SSR1: variants seen among roughly 807,000 people sequenced by gnomAD.
The protein encoded by SSR1 is translocon-associated protein subunit alpha.
In SSR1, 13 loss-of-function variants were observed where a neutral mutation model predicts 36.1. The ratio of observed to expected loss-of-function variants is 0.36; its 90% confidence interval spans 0.23 to 0.57. SSR1 has a LOEUF of 0.57. Ranked by LOEUF, SSR1 falls within the 20% of genes least tolerant of loss-of-function variation. The pLI, the probability that SSR1 is intolerant of heterozygous loss-of-function variation, is 0.81. For synonymous variants in SSR1, 113 were observed against 118.9 expected (o/e 0.95, Z 0.32); for missense variants, 291 against 338.5 (o/e 0.86, Z 1.10).
intron 2 of SSR1, among the ~76,000 whole-genome samples, chr6:7,306,927 G>A (rs987366002): frequency 1.4e-5 from 2 of 146,540 alleles, no homozygotes; most frequent in South Asian, 2.2e-4. Context: ...GGTGGTGGGG[G>A]GGTGGGGGAA....
At chr6:7,300,923 G>A (rs1757919589) in intron 4 of SSR1, among the ~76,000 whole-genome samples, 1 of 152,194 alleles carries the variant, frequency 6.6e-6, no homozygotes, top group Non-Finnish European at 1.5e-5. Context: ...GATTACAGGT[G>A]TGAGCCACTG....
chr6:7,294,349 T>C (rs139914375), intron 7 of SSR1, among the ~76,000 whole-genome samples: 3 of 152,330 alleles, frequency 2.0e-5, no homozygotes, highest in Admixed American at 2.0e-4. Flanking sequence ...CGTATATGCT[T>C]ATAGATATAT....
chr6:7,296,406 G>A (rs1352882191), intron 6 of SSR1, among the ~76,000 whole-genome samples: 1 of 152,168 alleles, frequency 6.6e-6, no homozygotes. Flanking sequence ...ATGAGGCAAA[G>A]CGAGTTTTAG....
At position 7,313,128 on chromosome 6, in the gene SSR1, C is replaced by T. The variant is rs1195130032; in HGVS notation, c.-8G>A. 1 of 1,600,714 alleles carries T rather than the reference C, an allele frequency of 6.2e-7. No individual in the cohort carries two copies. Among genetic ancestry groups the T allele is most frequent in the Non-Finnish European group, 8.5e-7 (1 of 1,173,386 alleles). On this transcript the variant is annotated 5_prime_UTR_variant, in exon 1 of 8. Coordinates refer to ENST00000244763, the MANE Select transcript of SSR1 (RefSeq NM_003144.5). Reference sequence around the variant, plus strand: ...GCGGGGGAGGAGTCTCATGGCGCTGCCGGTCCAGTGTCCAGTTTCCGTCGG... The same window carrying T: ...GCGGGGGAGGAGTCTCATGGCGCTGTCGGTCCAGTGTCCAGTTTCCGTCGG...
At position 7,286,903 on chromosome 6, in the gene SSR1, C is replaced by T. The variant is rs1017419395; in HGVS notation, c.*2961G>A. ...CTCCAGCCTGGGTGACACAGAGACT[C>T]CGTCTCAGGGGGCAAAAAAAAAAAA... On this transcript the variant is annotated 3_prime_UTR_variant, in exon 8 of 8. Transcript: ENST00000244763. 1 of 128,230 alleles carries T rather than the reference C, an allele frequency of 7.8e-6. No individual in the cohort carries two copies. Among genetic ancestry groups the T allele is most frequent in the Non-Finnish European group, 1.6e-5 (1 of 63,138 alleles). The allele number at this position is 128,230 out of a possible 1,614,324, so 7.9% of individuals were successfully genotyped here.
chr6:7,293,825 A>T, intron 7 of SSR1, among the ~76,000 whole-genome samples: 1 of 152,206 alleles, frequency 6.6e-6, no homozygotes, highest in Non-Finnish European at 1.5e-5. Flanking sequence ...AGCAGTTCAA[A>T]CCTGTGTCTT....
intron 6 of SSR1, 76 bp from the exon 7 acceptor site, chr6:7,295,561 G>A: frequency 8.8e-7 from 1 of 1,131,832 alleles, no homozygotes. Flanking sequence ...AAAGAGTTGA[G>A]GTCTTGCTAT....
At position 7,293,057 on chromosome 6, in the gene SSR1, G is replaced by A. The variant is rs572890095; in HGVS notation, c.793+2335C>T. On this transcript the variant is annotated intron_variant, in intron 7 of 7. Coordinates refer to ENST00000244763, the MANE Select transcript of SSR1 (RefSeq NM_003144.5). The stretch of plus-strand genomic sequence containing the variant: ...ATTAGTTCCAGGACTACTCCCCCAC[G>A]GCAACCCCACCCAAATCCAGGCATA... 6.6e-5 allele frequency among the ~76,000 whole-genome samples: 10 copies of A among 152,060 alleles called. No individual in the cohort carries two copies. In the South Asian group the frequency reaches 8.3e-4, roughly 13 times the overall value.
chr6:7,302,579 T>A (rs1757960181), intron 3 of SSR1, among the ~76,000 whole-genome samples: 1 of 151,984 alleles, frequency 6.6e-6, no homozygotes, highest in Non-Finnish European at 1.5e-5. Flanking sequence ...CTGGCCAACA[T>A]GGTGAAACCC....
intron 4 of SSR1, 142 bp downstream of exon 4, chr6:7,301,168 C>CA (rs1378987657): frequency 2.9e-6 from 3 of 1,023,008 alleles, no homozygotes; most frequent in Non-Finnish European, 4.2e-6. Flanking sequence ...AAGAAACGTG[C>CA]AATTTATCTT....
intron 3 of SSR1, among the ~76,000 whole-genome samples, chr6:7,302,218 T>C (rs1376051378): frequency 6.6e-6 from 1 of 152,232 alleles, no homozygotes; most frequent in Non-Finnish European, 1.5e-5. Flanking sequence ...ATATTAAGTC[T>C]TCAATAATTA....
chr6:7,309,379 T>C (rs1758137853), intron 2 of SSR1, among the ~76,000 whole-genome samples: 1 of 152,240 alleles, frequency 6.6e-6, no homozygotes, highest in African/African-American at 2.4e-5. Flanking sequence ...AGAGGATCAC[T>C]TGAGCCCAGG....
chr6:7,289,998 A>G (rs545451051), intron 7 of SSR1, 67 bp from the exon 8 acceptor site: 1 of 1,371,260 alleles, frequency 7.3e-7, no homozygotes, highest in African/African-American at 1.5e-5. Context: ...GACATGTTAA[A>G]AAGTATTTAC....
At chr6:7,310,890 G>A (rs1460856084) in intron 1 of SSR1, among the ~76,000 whole-genome samples, 7 of 152,046 alleles carry the variant, frequency 4.6e-5, no homozygotes, top group Non-Finnish European at 7.4e-5. Flanking sequence ...CAGCCTGGGC[G>A]ACACAGCAAG....
chr6:7,299,857 C>T (rs1757895395), intron 4 of SSR1, among the ~76,000 whole-genome samples: 1 of 152,148 alleles, frequency 6.6e-6, no homozygotes, highest in African/African-American at 2.4e-5. Flanking sequence ...CACAGCTATT[C>T]TTCACAAAGG....
Position 7,284,956 on chromosome 6 carries a change from A to G in SSR1, c.*4908T>C, listed in dbSNP as rs529412618. ...CCTAATTCCCACGCTAGCACACCAT[A>G]CCACCCCTTTGTTCAACCTCACAGA... On this transcript the variant is annotated 3_prime_UTR_variant, in exon 8 of 8. Coordinates refer to ENST00000244763, the MANE Select transcript of SSR1 (RefSeq NM_003144.5). The G allele has an allele frequency of 6.6e-6, 1 of 152,184 alleles. No individual in the cohort carries two copies. Among genetic ancestry groups the G allele is most frequent in the South Asian group, 2.1e-4 (1 of 4,824 alleles). 9.4% of individuals were successfully genotyped at this position (152,184 alleles called of 1,614,324 possible). A position where few individuals can be genotyped will look rare whatever the true frequency, so the allele number is the denominator to read the frequency against.
chr6:7,304,148 C>T (rs2113293928), intron 2 of SSR1, among the ~76,000 whole-genome samples: 1 of 152,310 alleles, frequency 6.6e-6, no homozygotes, highest in African/African-American at 2.4e-5. Flanking sequence ...TAATTCAGGT[C>T]TAGGGCAAAG....
chr6:7,282,869 A>G lies in SSR1; in HGVS notation c.*6995T>C, dbSNP rs754820517. ...GCAACTTGATTATGAACTGGATGAC[A>G]TATCAAATGCAAGGCCTTAAAATGC... On this transcript the variant is annotated 3_prime_UTR_variant, in exon 8 of 8. Transcript: ENST00000244763. The G allele has an allele frequency of 2.0e-5, 3 of 152,224 alleles. No homozygotes were observed. Among genetic ancestry groups the G allele is most frequent in the South Asian group, 2.1e-4 (1 of 4,830 alleles). The allele number at this position is 152,224 out of a possible 1,614,324, so 9.4% of individuals were successfully genotyped here. A position where few individuals can be genotyped will look rare whatever the true frequency, so the allele number is the denominator to read the frequency against.
chr6:7,294,736 G>A (rs905130247), intron 7 of SSR1, among the ~76,000 whole-genome samples: 1 of 150,906 alleles, frequency 6.6e-6, no homozygotes, highest in Admixed American at 6.6e-5. Flanking sequence ...ATGAAGTCAG[G>A]AATTGACTTA....
Sources: allele counts gnomAD v4.1 joint callset (sites outside exome capture counted in the v4.1 genomes callset), GRCh38; gene constraint gnomAD v4.1.1; transcripts MANE v1.5; gene names NCBI Gene and HGNC (gene_info 2026-07-23, HGNC 2026-07-21).